BCL2L10: variants seen among roughly 807,000 people sequenced by gnomAD.
BCL2L10 encodes the protein bcl-2-like protein 10.
BCL2L10 carries 14 observed loss-of-function variants against 11.1 expected under a neutral mutation model. The observed-to-expected ratio is 1.26, with a 90% CI of 0.83 to 1.96. The LOEUF (loss-of-function observed/expected upper bound fraction) is 1.96. BCL2L10 is among the 30% of genes most tolerant of loss of function. The pLI is 0.00. For synonymous variants in BCL2L10, 154 were observed against 133.4 expected, an observed-to-expected ratio of 1.15 and a Z score of -1.07; for missense variants, 309 against 273.9, an observed-to-expected ratio of 1.13 and a Z score of -0.90.
Position 52,109,984 on chromosome 15 carries a change from G to GA in BCL2L10, c.490-12dup. ...GTGACAAAAGCCATCCTACAGGGGG[G>GA]AGAGAGAAAAGTTAGATTGCCTCAT... On this transcript the variant is annotated splice_polypyrimidine_tract_variant and intron_variant, in intron 1 of 1. Coordinates refer to ENST00000260442, the MANE Select transcript of BCL2L10 (RefSeq NM_020396.4). 1.9e-6 allele frequency: 3 copies of GA among 1,591,458 alleles called. No homozygotes were observed. The highest frequency in any genetic ancestry group is 1.7e-6 in the Non-Finnish European group (2 of 1,169,722).
Position 52,109,980 on chromosome 15 carries a change from G to C in BCL2L10, c.490-7C>G, listed in dbSNP as rs373991834. 8.6e-5 allele frequency: 137 copies of C among 1,592,778 alleles called. No homozygotes were observed. Among genetic ancestry groups the C allele is most frequent in the East Asian group, 5.2e-4 (23 of 44,524 alleles). On this transcript the variant is annotated splice_region_variant and splice_polypyrimidine_tract_variant and intron_variant, in intron 1 of 1. Transcript: ENST00000260442. Reference sequence around the variant, plus strand: ...AGAAGTGACAAAAGCCATCCTACAGGGGGGAGAGAGAAAAGTTAGATTGCC... The same window carrying C: ...AGAAGTGACAAAAGCCATCCTACAGCGGGGAGAGAGAAAAGTTAGATTGCC...
chr15:52,112,043 G>A (rs759683296), intron 1 of BCL2L10, 195 bp downstream of exon 1: 60 of 1,143,084 alleles, frequency 5.2e-5, no homozygotes, highest in Non-Finnish European at 6.3e-5. Context: ...GCCGATTTCT[G>A]CCGGCCTTTC....
Position 52,109,746 on chromosome 15 carries a change from C to G in BCL2L10, c.*102G>C, listed in dbSNP as rs1362866694. On this transcript the variant is annotated 3_prime_UTR_variant, in exon 2 of 2. Transcript: ENST00000260442. ...CTTGTATGCATTCAGATAAAAACGT[C>G]TGGGGTGGGGGAAGGTGCTTTCCCT... 4.0e-6 allele frequency: 6 copies of G among 1,491,632 alleles called. No homozygotes were observed. Among genetic ancestry groups the G allele is most frequent in the Non-Finnish European group, 4.6e-6 (5 of 1,096,648 alleles). 92.4% of individuals were successfully genotyped at this position (1,491,632 alleles called of 1,614,324 possible).
rs750575660 is a variant in BCL2L10, at chr15:52,112,400, C to T, written c.327G>A (p.Glu109=). The T allele has an allele frequency of 1.1e-5, 17 of 1,607,168 alleles. No individual in the cohort carries two copies. Among genetic ancestry groups the T allele is most frequent in the African/African-American group, 4.0e-5 (3 of 74,898 alleles). ...TLVTFAGTLL[E]RGPLVTARWK... is the part of the protein sequence containing the mutation. Reference sequence around the variant, plus strand: ...ACCGGGCGGTCACCAGCGGCCCTCTCTCCAGCAGCGTCCCTGCGAAGGTCA... The same window carrying T: ...ACCGGGCGGTCACCAGCGGCCCTCTTTCCAGCAGCGTCCCTGCGAAGGTCA... Residue 109 remains glutamate, a synonymous_variant, in exon 1 of 2, where the codon GAG becomes GAA. Transcript: ENST00000260442.
chr15:52,110,124 G>A (rs2033032087), intron 1 of BCL2L10, 151 bp from the exon 2 acceptor site: 1 of 709,258 alleles, frequency 1.4e-6, no homozygotes, highest in Non-Finnish European at 2.3e-6. Context: ...ATCCAGTAAT[G>A]AGGAGCCCCT....
chr15:52,112,101 C>T (rs1413981077), intron 1 of BCL2L10, 137 bp downstream of exon 1: 3 of 1,379,946 alleles, frequency 2.2e-6, no homozygotes, highest in Non-Finnish European at 2.8e-6. Context: ...GTTCCAGGCC[C>T]GCTGAAACGA....
rs748378214 is a variant in BCL2L10 at position 52,109,806 on chromosome 15, G to T, written c.*42C>A. 6.2e-7 allele frequency: 1 copy of T among 1,607,186 alleles called. No individual in the cohort carries two copies. The highest frequency in any genetic ancestry group is 2.2e-5 in the East Asian group (1 of 44,768). On this transcript the variant is annotated 3_prime_UTR_variant, in exon 2 of 2. Coordinates refer to ENST00000260442, the MANE Select transcript of BCL2L10 (RefSeq NM_020396.4). ...TTCTCACACATCTGTCATTTAGTTGGTCACAGTTGGGCAGGTAGAAGCGGG... is the reference window on the plus strand; with the variant it reads ...TTCTCACACATCTGTCATTTAGTTGTTCACAGTTGGGCAGGTAGAAGCGGG...
At chr15:52,112,092 T>G (rs1305680542) in intron 1 of BCL2L10, 146 bp downstream of exon 1, 14 of 1,373,180 alleles carry the variant, frequency 1.0e-5, no homozygotes, top group Non-Finnish European at 1.3e-5. Flanking sequence ...ACAGCGAACG[T>G]TCCAGGCCCG....
chr15:52,111,569 C>T (rs1341890982), intron 1 of BCL2L10, among the ~76,000 whole-genome samples: 1 of 152,186 alleles, frequency 6.6e-6, no homozygotes, highest in African/African-American at 2.4e-5. Context: ...GGCTCATCAC[C>T]AGGTGGCTTT....
At position 52,112,756 on chromosome 15, in the gene BCL2L10, TC is replaced by T. The variant is rs2033086749; in HGVS notation, c.-31del. On this transcript the variant is annotated 5_prime_UTR_variant, in exon 1 of 2. Coordinates refer to ENST00000260442, the MANE Select transcript of BCL2L10 (RefSeq NM_020396.4). ...CGGCCTCTGCTGGGGGGCCGGGCCT[TC>T]GCTGGTTTTCTTGGCCCGGCCGCGC... 6.7e-7 allele frequency: 1 copy of T among 1,496,816 alleles called. No individual in the cohort carries two copies. The highest frequency in any genetic ancestry group is 1.5e-5 in the African/African-American group (1 of 67,468). The allele number at this position is 1,496,816 out of a possible 1,614,324, so 92.7% of individuals were successfully genotyped here. A position where few individuals can be genotyped will look rare whatever the true frequency, so the allele number is the denominator to read the frequency against.
chr15:52,109,917 C>G lies in BCL2L10; in HGVS notation c.546G>C (p.Gln182His). ...AGCATGACAGAAAAGCCTGGACCAG[C>G]TGTTTTCTCCAAAAAGCCAGTGGAA... is the stretch of plus-strand genomic sequence containing the variant. ...TPFPLAFWRK[Q>H]LVQAFLSCLL... The change falls in exon 2 of 2, where the codon CAG (glutamine) becomes CAC (histidine). Residue 182 changes from glutamine (Q) to histidine (H), a missense_variant. Coordinates refer to ENST00000260442, the MANE Select transcript of BCL2L10 (RefSeq NM_020396.4). 1.2e-6 allele frequency: 2 copies of G among 1,613,792 alleles called. No individual in the cohort carries two copies. Among genetic ancestry groups the G allele is most frequent in the Non-Finnish European group, 1.7e-6 (2 of 1,179,808 alleles).
In BCL2L10 at chr15:52,109,978, A is replaced by AGG. The variant is rs746412551; in HGVS notation, c.490-7_490-6dup. 2 of 1,594,268 alleles carry AGG rather than the reference A, an allele frequency of 1.3e-6. No homozygotes were observed. Among genetic ancestry groups the AGG allele is most frequent in the Non-Finnish European group, 8.5e-7 (1 of 1,171,456 alleles). ...GAAGAAGTGACAAAAGCCATCCTAC[A>AGG]GGGGGGAGAGAGAAAAGTTAGATTG... is the stretch of plus-strand genomic sequence containing the variant. On this transcript the variant is annotated splice_region_variant and splice_polypyrimidine_tract_variant and intron_variant, in intron 1 of 1. Coordinates refer to ENST00000260442, the MANE Select transcript of BCL2L10 (RefSeq NM_020396.4).
In BCL2L10 at chr15:52,109,789, C is replaced by T; in HGVS notation, c.*59G>A. The T allele has an allele frequency of 6.3e-7, 1 of 1,597,730 alleles. No individual in the cohort carries two copies. Among genetic ancestry groups the T allele is most frequent in the Non-Finnish European group, 8.5e-7 (1 of 1,169,720 alleles). ...CTTTCCCTCAGTTCTTGTTCTCACA[C>T]ATCTGTCATTTAGTTGGTCACAGTT... On this transcript the variant is annotated 3_prime_UTR_variant, in exon 2 of 2. Coordinates refer to ENST00000260442, the MANE Select transcript of BCL2L10 (RefSeq NM_020396.4).
Position 52,112,669 on chromosome 15 carries a change from C to T in BCL2L10, c.58G>A (p.Glu20Lys), listed in dbSNP as rs900651392. Reference protein sequence around the residue: ...TMADPLRERTELLLADYLGYC... With the variant: ...TMADPLRERTKLLLADYLGYC... ...CCCAGGTAGTCGGCCAGCAACAGCT[C>T]GGTGCGCTCCCGCAGCGGGTCGGCC... Residue 20 changes from glutamate (E) to lysine (K), a missense_variant, in exon 1 of 2, where the codon GAG becomes AAG. Glu to Lys is a moderately conservative substitution (Grantham distance 56, BLOSUM62 1). Transcript: ENST00000260442. The T allele has an allele frequency of 6.5e-7, 1 of 1,545,122 alleles. No individual in the cohort carries two copies. Among genetic ancestry groups the T allele is most frequent in the Non-Finnish European group, 8.7e-7 (1 of 1,152,202 alleles).
chr15:52,110,726 C>T (rs546863454), intron 1 of BCL2L10, among the ~76,000 whole-genome samples: 2 of 152,208 alleles, frequency 1.3e-5, no homozygotes, highest in African/African-American at 2.4e-5. Context: ...AGCCACTGCA[C>T]CCAGCCAAGA....
Position 52,109,851 on chromosome 15 carries a change from T to TA in BCL2L10, c.611dup (p.Leu204PhefsTer16). The TA allele has an allele frequency of 6.2e-7, 1 of 1,613,924 alleles. No individual in the cohort carries two copies. Among genetic ancestry groups the TA allele is most frequent in the South Asian group, 1.1e-5 (1 of 91,038 alleles). On this transcript the variant is annotated frameshift_variant, in exon 2 of 2. Transcript: ENST00000260442. LOFTEE classifies it high-confidence loss of function. ...AGCGGGTTAAAAGTTTTAAAACTCA[T>TA]AATAATCGTGTCCAGAGATAAATGA...
At position 52,112,343 on chromosome 15, in the gene BCL2L10, C is replaced by T. The variant is rs1156809128; in HGVS notation, c.384G>A (p.Lys128=). 5.6e-6 allele frequency: 9 copies of T among 1,598,036 alleles called. No individual in the cohort carries two copies. The highest frequency in any genetic ancestry group is 6.8e-6 in the Non-Finnish European group (8 of 1,177,286). The part of the protein sequence containing the change: ...WKKWGFQPRL[K]EQEGDVARDC... ...CCCGGGCGACGTCGCCCTCCTGCTC[C>T]TTTAGCCGCGGCTGGAAGCCCCACT... The change falls in exon 1 of 2, where the codon AAG becomes AAA. Residue 128 remains lysine (K), a synonymous_variant. Transcript: ENST00000260442.
Position 52,109,812 on chromosome 15 carries a change from G to A in BCL2L10, c.*36C>T, listed in dbSNP as rs932487312. The A allele has an allele frequency of 6.2e-7, 1 of 1,610,912 alleles. No homozygotes were observed. The highest frequency in any genetic ancestry group is 1.3e-5 in the African/African-American group (1 of 74,782). On this transcript the variant is annotated 3_prime_UTR_variant, in exon 2 of 2. Coordinates refer to ENST00000260442, the MANE Select transcript of BCL2L10 (RefSeq NM_020396.4). ...CACATCTGTCATTTAGTTGGTCACAGTTGGGCAGGTAGAAGCGGGTTAAAA... is the reference window on the plus strand; with the variant it reads ...CACATCTGTCATTTAGTTGGTCACAATTGGGCAGGTAGAAGCGGGTTAAAA...
chr15:52,112,728 G>C lies in BCL2L10; in HGVS notation c.-2C>G, dbSNP rs1270451009. The C allele has an allele frequency of 6.5e-7, 1 of 1,529,404 alleles. No homozygotes were observed. Among genetic ancestry groups the C allele is most frequent in the East Asian group, 2.5e-5 (1 of 40,020 alleles). The allele number at this position is 1,529,404 out of a possible 1,614,324, so 94.7% of individuals were successfully genotyped here. On this transcript the variant is annotated 5_prime_UTR_variant, in exon 1 of 2. Transcript: ENST00000260442. ...GCGCTCCCGCAACTGGTCAACCATG[G>C]TCCGGCCTCTGCTGGGGGGCCGGGC...
Sources: gnomAD v4.1 joint callset for allele counts (sites outside exome capture counted in the v4.1 genomes callset) on GRCh38, gnomAD v4.1.1 for gene constraint, MANE v1.5 for transcripts, NCBI Gene and HGNC (gene_info 2026-07-23, HGNC 2026-07-21) for gene names.